The following PSD3 variants were observed in gnomAD, a reference collection of about 807,000 sequenced individuals.
PSD3 encodes the protein pleckstrin and Sec7 domain containing 3.
A neutral mutation model predicts 105.5 loss-of-function variants in PSD3; 49 were observed. The ratio of observed to expected loss-of-function variants is 0.46; its 90% CI spans 0.37 to 0.59. The LOEUF (loss-of-function observed/expected upper bound fraction) is 0.59, where lower values mean the gene tolerates loss of function less well. Among genes scored for constraint, PSD3 ranks in the 20% least tolerant of loss-of-function variants. The pLI, the probability that PSD3 is intolerant of heterozygous loss-of-function variation, is 0.00. For missense variants in PSD3, 1,561 were observed against 1,263.8 expected (o/e 1.24, Z -3.57); for synonymous variants, 557 against 457.8 (o/e 1.22, Z -2.77).
intron 10 of PSD3, among the ~76,000 whole-genome samples, chr8:18,636,357 T>C (rs1313054574): frequency 2.0e-5 from 3 of 152,210 alleles, no homozygotes; most frequent in African/African-American, 7.2e-5. Context: ...ATAATGTTTT[T>C]GTACAGCTGT....
intron 1 of PSD3, among the ~76,000 whole-genome samples, chr8:19,042,284 T>G (rs1043771672): frequency 6.6e-6 from 1 of 152,200 alleles, no homozygotes; most frequent in African/African-American, 2.4e-5. Flanking sequence ...CTTCTAGAAT[T>G]ACATTCTGCA....
chr8:18,613,935 A>G (rs1337043993), intron 11 of PSD3, among the ~76,000 whole-genome samples: 3 of 152,208 alleles, frequency 2.0e-5, no homozygotes, highest in Non-Finnish European at 4.4e-5. Context: ...TCCACCCATG[A>G]TAATTCCTTC....
chr8:18,872,231 C>G lies in PSD3; in HGVS notation c.633G>C (p.Leu211Phe), dbSNP rs2129457560. 3 of 1,614,182 alleles carry G rather than the reference C, an allele frequency of 1.9e-6. No individual in the cohort carries two copies. The East Asian group carries it at 6.7e-5, about 36-fold the overall frequency. The change falls in exon 3 of 16, where the codon TTG becomes TTC. Residue 211 changes from leucine (L) to phenylalanine (F), a missense_variant. Physicochemically the swap from Leu to Phe is conservative, Grantham distance 22. Coordinates refer to ENST00000327040, the MANE Select transcript of PSD3 (RefSeq NM_015310.4). ...AEVTTEESFY[L>F]SIQKDLTALL... ...GCGCGGTGAGATCTTTCTGGATGCT[C>G]AAATAAAAACTTTCCTCCGTTGTTA...
At chr8:18,970,324 C>CAG (rs773065537) in intron 1 of PSD3, among the ~76,000 whole-genome samples, 12 of 45,318 alleles carry the variant, frequency 2.6e-4, no homozygotes, top group Admixed American at 2.2e-3. Flanking sequence ...GACTCTGCCT[C>CAG]AAAAAAAAAA....
Position 18,660,656 on chromosome 8 carries a change from T to C in PSD3, c.2173-4971A>G, listed in dbSNP as rs953557192. Among the ~76,000 whole-genome samples the C allele has an allele frequency of 2.6e-5, 4 of 152,184 alleles. No homozygotes were observed. The East Asian group carries it at 5.8e-4, about 22-fold the overall frequency. On this transcript the variant is annotated intron_variant, in intron 9 of 15. Transcript: ENST00000327040. The stretch of plus-strand genomic sequence containing the variant: ...ACTGATTATTGTGCCCTGTCCTAGA[T>C]CTACCACATCAGCTCCTTGGACGAG...
At chr8:19,036,054 C>CA (rs976006210) in intron 1 of PSD3, among the ~76,000 whole-genome samples, 72 of 151,568 alleles carry the variant, frequency 4.8e-4, no homozygotes, top group Middle Eastern at 3.4e-3. Flanking sequence ...CATGCCCAGC[C>CA]AAAAAAAATA....
intron 12 of PSD3, among the ~76,000 whole-genome samples, chr8:18,590,454 C>T (rs563552415): frequency 1.7e-4 from 26 of 152,282 alleles, no homozygotes; most frequent in Non-Finnish European, 2.5e-4. Flanking sequence ...TGAATCCTTT[C>T]AGATCCTTTC....
At chr8:19,038,371 T>C (rs1828014346) in intron 1 of PSD3, among the ~76,000 whole-genome samples, 1 of 152,252 alleles carries the variant, frequency 6.6e-6, no homozygotes, top group African/African-American at 2.4e-5. Context: ...AGGACTTTTA[T>C]CACTCAAGAG....
At chr8:19,013,484 G>A in intron 1 of PSD3, 79 bp downstream of exon 1, 2 of 1,569,172 alleles carry the variant, frequency 1.3e-6, no homozygotes, top group Non-Finnish European at 1.7e-6. Context: ...ACAGAGCGGC[G>A]ACAAAGCAAC....
intron 1 of PSD3, among the ~76,000 whole-genome samples, chr8:18,968,860 A>G (rs1222067729): frequency 8.7e-6 from 1 of 114,350 alleles, no homozygotes; most frequent in South Asian, 3.9e-4. Flanking sequence ...TGCGTGACAG[A>G]GCAAAAAAAA....
At chr8:18,705,534 CAAAAAAA>C (rs34331384) in intron 9 of PSD3, among the ~76,000 whole-genome samples, 13 of 88,436 alleles carry the variant, frequency 1.5e-4, no homozygotes, top group African/African-American at 2.8e-4. Context: ...CTGTCTCAAG[CAAAAAAA>C]AAAAAAAAAA....
intron 8 of PSD3, among the ~76,000 whole-genome samples, chr8:18,775,635 T>C (rs184921665): frequency 2.0e-5 from 3 of 152,374 alleles, no homozygotes; most frequent in African/African-American, 4.8e-5. Flanking sequence ...TGTCTTCTTT[T>C]GAGAAATACC....
intron 8 of PSD3, among the ~76,000 whole-genome samples, chr8:18,795,305 T>C (rs969963048): frequency 6.6e-6 from 1 of 152,104 alleles, no homozygotes. Flanking sequence ...GGGTAAAGTA[T>C]ATGTAGGAGG....
intron 9 of PSD3, among the ~76,000 whole-genome samples, chr8:18,693,923 C>A (rs1174157175): frequency 6.6e-6 from 1 of 152,062 alleles, no homozygotes; most frequent in East Asian, 1.9e-4. Context: ...TGGTGCAGGG[C>A]AAACAGAGAT....
intron 12 of PSD3, among the ~76,000 whole-genome samples, chr8:18,577,523 A>G (rs997047612): frequency 3.9e-5 from 6 of 152,154 alleles, no homozygotes; most frequent in South Asian, 4.1e-4. Context: ...TTTTATACAT[A>G]TTTTAGTTGC....
rs189644707 is a variant in PSD3, at chr8:18,880,203, T to A, written c.131-7470A>T. ...CTATATGCTAAGATAATTATTTTTT[T>A]AAAAAAAGACCAAATTATTGTTTTA... On this transcript the variant is annotated intron_variant, in intron 2 of 15. Coordinates refer to ENST00000327040, the MANE Select transcript of PSD3 (RefSeq NM_015310.4). Among the ~76,000 whole-genome samples the A allele has an allele frequency of 4.4e-3, 669 of 152,256 alleles. 11 individuals carry two copies. Among genetic ancestry groups the A allele is most frequent in the African/African-American group, 0.016 (645 of 41,532 alleles).
chr8:19,018,854 T>C (rs1827263519), intron 1 of PSD3, among the ~76,000 whole-genome samples: 1 of 152,220 alleles, frequency 6.6e-6, no homozygotes. Flanking sequence ...TGGAGTGCAG[T>C]GGCTCAATCT....
chr8:19,074,584 G>GATATATATAT (rs57891868), intron 1 of PSD3, among the ~76,000 whole-genome samples: 1,114 of 99,144 alleles, frequency 0.011, 66 homozygotes, highest in South Asian at 0.021. Context: ...TTACAACTCA[G>GATATATATAT]ATATATACAT....
intron 1 of PSD3, among the ~76,000 whole-genome samples, chr8:18,938,673 A>G (rs996157294): frequency 6.6e-6 from 1 of 151,878 alleles, no homozygotes; most frequent in African/African-American, 2.4e-5. Context: ...AAGGTTAATT[A>G]GAATAGATAC....
Sources: allele counts gnomAD v4.1 joint callset (sites outside exome capture counted in the v4.1 genomes callset), GRCh38; gene constraint gnomAD v4.1.1; transcripts MANE v1.5; gene names NCBI Gene and HGNC (gene_info 2026-07-23, HGNC 2026-07-21).